SMG9: variants seen among roughly 807,000 people sequenced by gnomAD.
The protein encoded by SMG9 is SMG9 nonsense mediated mRNA decay factor.
Under a neutral mutation model 64.0 loss-of-function variants are expected in SMG9, and 55 were observed. The ratio of observed to expected loss-of-function variants is 0.86; its 90% CI spans 0.69 to 1.08. The LOEUF (loss-of-function observed/expected upper bound fraction) is 1.08. Ranked by LOEUF, SMG9 falls within the 50% of genes least tolerant of loss-of-function variation. The pLI, the probability that SMG9 is intolerant of heterozygous loss-of-function variation, is 0.00. For missense variants in SMG9, 554 were observed against 681.3 expected, an observed-to-expected ratio of 0.81 and a Z score of 2.08; for synonymous variants, 244 against 254.8, an observed-to-expected ratio of 0.96 and a Z score of 0.41.
Position 43,750,341 on chromosome 19 carries a change from T to C in SMG9, c.150+251A>G, listed in dbSNP as rs1166040800. On this transcript the variant is annotated intron_variant, in intron 2 of 13. Coordinates refer to ENST00000270066, the MANE Select transcript of SMG9 (RefSeq NM_019108.4). ...TTCTTTCTGTCTGGAATGCTCTTCA[T>C]CTCAGATGCTGGCATGGCTTATTCT... The C allele has an allele frequency of 1.0e-5, 7 of 676,738 alleles. No homozygotes were observed. The East Asian group carries it at 1.8e-4, about 18-fold the overall frequency. 41.9% of individuals were successfully genotyped at this position (676,738 alleles called of 1,614,324 possible).
intron 6 of SMG9, among the ~76,000 whole-genome samples, chr19:43,742,277 A>C (rs1390827557): frequency 1.3e-5 from 2 of 152,158 alleles, no homozygotes; most frequent in Non-Finnish European, 2.9e-5. Flanking sequence ...TCTCTACAAA[A>C]AATTAAAAAA....
rs1600183773 is a variant in SMG9, at chr19:43,728,852, T to C, written c.*2744A>G. 1 of 296,470 alleles carries C rather than the reference T, an allele frequency of 3.4e-6. No individual in the cohort carries two copies. Among genetic ancestry groups the C allele is most frequent in the East Asian group, 1.7e-4 (1 of 5,848 alleles). 18.4% of individuals were successfully genotyped at this position (296,470 alleles called of 1,614,324 possible). A position where few individuals can be genotyped will look rare whatever the true frequency, so the allele number is the denominator to read the frequency against. Reference sequence around the variant, plus strand: ...CAGTGGAGGGTGAGAAGGATACCAATGTATTCCTGTGTCTGAATTGAAAAG... The same window carrying C: ...CAGTGGAGGGTGAGAAGGATACCAACGTATTCCTGTGTCTGAATTGAAAAG... On this transcript the variant is annotated 3_prime_UTR_variant, in exon 14 of 14. Transcript: ENST00000270066.
At chr19:43,749,751 G>A (rs1209774078) in intron 2 of SMG9, among the ~76,000 whole-genome samples, 8 of 152,196 alleles carry the variant, frequency 5.3e-5, no homozygotes, top group East Asian at 1.9e-4. Flanking sequence ...AGGGGAGCGA[G>A]GCTGGGCCTG....
At chr19:43,735,059 C>T (rs1307034926) in intron 9 of SMG9, among the ~76,000 whole-genome samples, 1 of 152,218 alleles carries the variant, frequency 6.6e-6, no homozygotes, top group Non-Finnish European at 1.5e-5. Flanking sequence ...TCTCCAACCC[C>T]TGATCTTTTT....
chr19:43,740,812 A>G (rs982630919), intron 6 of SMG9, among the ~76,000 whole-genome samples: 2 of 152,054 alleles, frequency 1.3e-5, no homozygotes, highest in Non-Finnish European at 2.9e-5. Flanking sequence ...AGTCTCCCTC[A>G]CTTCTACGTG....
In SMG9 at chr19:43,740,187, T is replaced by C; in HGVS notation, c.733A>G (p.Met245Val). 6.2e-7 allele frequency: 1 copy of C among 1,614,082 alleles called. No individual in the cohort carries two copies. Among genetic ancestry groups the C allele is most frequent in the Non-Finnish European group, 8.5e-7 (1 of 1,179,970 alleles). The change falls in exon 7 of 14, where the codon ATG becomes GTG. Residue 245 changes from methionine to valine, a missense_variant. By Grantham distance (21) the Met-to-Val change is conservative. Coordinates refer to ENST00000270066, the MANE Select transcript of SMG9 (RefSeq NM_019108.4). ...TYVFRAQSAE[M>V]KERGGNQTSG... The stretch of plus-strand genomic sequence containing the variant: ...GTCTGGTTGCCCCCTCGTTCCTTCA[T>C]TTCAGCGCTCTGGGCCCGGAAAACA...
chr19:43,734,051 G>A, intron 10 of SMG9: 1 of 527,678 alleles, frequency 1.9e-6, no homozygotes, highest in Non-Finnish European at 3.4e-6. Flanking sequence ...GCTAGAGGAG[G>A]GAGAACAGGT....
chr19:43,740,335 G>A, intron 6 of SMG9, 117 bp from the exon 7 acceptor site: 1 of 769,238 alleles, frequency 1.3e-6, no homozygotes, highest in Non-Finnish European at 2.3e-6. Flanking sequence ...TGCTCCCTAA[G>A]CTTTTCATCT....
intron 7 of SMG9, among the ~76,000 whole-genome samples, chr19:43,738,430 G>A (rs753269541): frequency 2.0e-5 from 3 of 152,134 alleles, no homozygotes; most frequent in Non-Finnish European, 4.4e-5. Flanking sequence ...AGCACCTCAT[G>A]CCCAAAGAGA....
In SMG9 at chr19:43,738,227, G is replaced by C; in HGVS notation, c.814-10C>G. The C allele has an allele frequency of 6.2e-7, 1 of 1,613,010 alleles. No homozygotes were observed. The highest frequency in any genetic ancestry group is 1.1e-5 in the South Asian group (1 of 91,050). On this transcript the variant is annotated splice_polypyrimidine_tract_variant and intron_variant, in intron 7 of 13. Transcript: ENST00000270066. ...AAGGGCTCAGGATGGGCTGCAGCAA[G>C]GAAGAGAACAGAGTGTCACTCAGAT...
At chr19:43,739,921 A>G in intron 7 of SMG9, 186 bp downstream of exon 7, 1 of 602,792 alleles carries the variant, frequency 1.7e-6, no homozygotes, top group Non-Finnish European at 3.0e-6. Context: ...GGCGAATGAG[A>G]TGGGGGCAAA....
chr19:43,737,681 G>C lies in SMG9; in HGVS notation c.911C>G (p.Ser304Ter). The C allele has an allele frequency of 6.2e-7, 1 of 1,613,884 alleles. No homozygotes were observed. The highest frequency in any genetic ancestry group is 8.5e-7 in the Non-Finnish European group (1 of 1,179,890). ...NLPHTYVEMQ[S>*]LQIAAFLFTV... ...GAAAAGGAAGGCAGCAATCTGGAGT[G>C]ACTGAGGGTGGGCAGGATGGAAGGG... Residue 304 changes from serine (S) to a stop codon, truncating the protein, a stop_gained and splice_region_variant, in exon 9 of 14, where the codon TCA becomes TGA. Coordinates refer to ENST00000270066, the MANE Select transcript of SMG9 (RefSeq NM_019108.4). LOFTEE classifies it high-confidence loss of function.
chr19:43,732,631 C>T (rs1330202522), intron 13 of SMG9: 1 of 570,954 alleles, frequency 1.8e-6, no homozygotes, highest in Non-Finnish European at 3.1e-6. Flanking sequence ...GTGACAAGGA[C>T]CTACATGATG....
At chr19:43,752,663 C>T (rs556128880) in intron 1 of SMG9, among the ~76,000 whole-genome samples, 10 of 152,096 alleles carry the variant, frequency 6.6e-5, no homozygotes, top group East Asian at 3.9e-4. Flanking sequence ...TTTGGGAGGC[C>T]GAGACAGGAG....
chr19:43,733,753 G>T lies in SMG9; in HGVS notation c.1103-20C>A. ...AGAAGACTGAGGGTGGGAAGAGACG[G>T]GCCCTGTCAGGCAGACATCGCTTGG... On this transcript the variant is annotated intron_variant, in intron 10 of 13. Coordinates refer to ENST00000270066, the MANE Select transcript of SMG9 (RefSeq NM_019108.4). 6.3e-7 allele frequency: 1 copy of T among 1,599,090 alleles called. No homozygotes were observed. The highest frequency in any genetic ancestry group is 8.6e-7 in the Non-Finnish European group (1 of 1,167,040).
At chr19:43,746,261 A>G (rs550812764) in intron 5 of SMG9, among the ~76,000 whole-genome samples, 2 of 152,366 alleles carry the variant, frequency 1.3e-5, no homozygotes, top group South Asian at 4.1e-4. Flanking sequence ...CTGTTCAATC[A>G]GTAGGCATTG....
At chr19:43,748,546 T>C (rs994134374) in intron 2 of SMG9, 3 of 455,610 alleles carry the variant, frequency 6.6e-6, no homozygotes, top group Non-Finnish European at 4.4e-6. Context: ...ACCTGACACA[T>C]GGCAGGTGCT....
At chr19:43,740,581 CG>C (rs1968817303) in intron 6 of SMG9, among the ~76,000 whole-genome samples, 1 of 152,074 alleles carries the variant, frequency 6.6e-6, no homozygotes, top group Non-Finnish European at 1.5e-5. Flanking sequence ...ATCTATAAAA[CG>C]GGGATAACCA....
At chr19:43,738,425 C>A (rs2146373568) in intron 7 of SMG9, among the ~76,000 whole-genome samples, 1 of 152,304 alleles carries the variant, frequency 6.6e-6, no homozygotes, top group South Asian at 2.1e-4. Context: ...TCGCAAGCAC[C>A]TCATGCCCAA....
Sources: gnomAD v4.1 joint callset for allele counts (sites outside exome capture counted in the v4.1 genomes callset) on GRCh38, gnomAD v4.1.1 for gene constraint, MANE v1.5 for transcripts, NCBI Gene and HGNC (gene_info 2026-07-23, HGNC 2026-07-21) for gene names.